Variants in EIF2AK3 observed in about 807,000 individuals in gnomAD.
EIF2AK3 encodes the protein eukaryotic translation initiation factor 2 alpha kinase 3, also known as eukaryotic translation initiation factor 2-alpha kinase 3.
In EIF2AK3, 50 loss-of-function variants were observed where a neutral mutation model predicts 113.5. That is an observed-to-expected ratio of 0.44 (90% CI 0.35 to 0.56). EIF2AK3 has a LOEUF of 0.56. Ranked by LOEUF, EIF2AK3 falls within the 20% of genes least tolerant of loss-of-function variation. The pLI is 0.00. For missense variants in EIF2AK3, 1,185 were observed against 1,378.0 expected (o/e 0.86, Z 2.22); for synonymous variants, 448 against 495.4 (o/e 0.90, Z 1.27).
intron 2 of EIF2AK3, among the ~76,000 whole-genome samples, chr2:88,602,086 C>T (rs1281885347): frequency 6.6e-6 from 1 of 151,986 alleles, no homozygotes. Context: ...CTCCTGACCT[C>T]GTGATCTGCC....
chr2:88,595,220 A>AT (rs963904380), intron 3 of EIF2AK3, among the ~76,000 whole-genome samples: 2 of 151,214 alleles, frequency 1.3e-5, no homozygotes, highest in African/African-American at 4.9e-5. Flanking sequence ...AAAAAAAAAA[A>AT]AAAAAAAAAC....
intron 14 of EIF2AK3, among the ~76,000 whole-genome samples, chr2:88,570,321 G>A (rs970818158): frequency 6.6e-6 from 1 of 152,176 alleles, no homozygotes; most frequent in Non-Finnish European, 1.5e-5. Flanking sequence ...GGTGGTGGCT[G>A]AGCATGCTCG....
intron 1 of EIF2AK3, among the ~76,000 whole-genome samples, chr2:88,617,282 CAT>C (rs1240371794): frequency 6.6e-6 from 1 of 152,146 alleles, no homozygotes; most frequent in African/African-American, 2.4e-5. Context: ...AAATGTGGTA[CAT>C]ATATACCATA....
At chr2:88,598,819 A>T (rs1384866958) in intron 2 of EIF2AK3, among the ~76,000 whole-genome samples, 1 of 152,172 alleles carries the variant, frequency 6.6e-6, no homozygotes, top group East Asian at 1.9e-4. Flanking sequence ...ATGTAAGAGA[A>T]TATCTCTATT....
intron 2 of EIF2AK3, 88 bp downstream of exon 2, chr2:88,613,636 C>G (rs1675504226): frequency 2.7e-6 from 4 of 1,468,874 alleles, no homozygotes; most frequent in Non-Finnish European, 3.8e-6. Context: ...GGCCTCAAAC[C>G]TGGGCAATAG....
At chr2:88,567,800 C>T (rs1674179943) in intron 14 of EIF2AK3, among the ~76,000 whole-genome samples, 1 of 152,178 alleles carries the variant, frequency 6.6e-6, no homozygotes, top group South Asian at 2.1e-4. Flanking sequence ...GCCACTGCCC[C>T]CATAGCCATT....
At chr2:88,602,842 C>T (rs1675188539) in intron 2 of EIF2AK3, among the ~76,000 whole-genome samples, 1 of 151,788 alleles carries the variant, frequency 6.6e-6, no homozygotes, top group Admixed American at 6.6e-5. Context: ...GGACAAACAC[C>T]TAATGTATGT....
intron 1 of EIF2AK3, among the ~76,000 whole-genome samples, chr2:88,616,771 T>G (rs1202824126): frequency 1.3e-5 from 2 of 152,164 alleles, no homozygotes; most frequent in African/African-American, 4.8e-5. Context: ...TTCTATGAAT[T>G]CATTATGTGT....
chr2:88,590,701 G>A (rs992869585), intron 5 of EIF2AK3, 96 bp from the exon 6 acceptor site: 2 of 1,566,536 alleles, frequency 1.3e-6, no homozygotes, highest in African/African-American at 2.7e-5. Context: ...ATTTATAAAA[G>A]CACAGAGAAC....
intron 2 of EIF2AK3, among the ~76,000 whole-genome samples, chr2:88,603,670 T>C (rs1324986574): frequency 6.6e-6 from 1 of 152,226 alleles, no homozygotes; most frequent in Non-Finnish European, 1.5e-5. Context: ...TTTCTCTAAC[T>C]TATCAGTCTC....
At chr2:88,599,995 A>C (rs1045854569) in intron 2 of EIF2AK3, among the ~76,000 whole-genome samples, 1 of 152,242 alleles carries the variant, frequency 6.6e-6, no homozygotes, top group Non-Finnish European at 1.5e-5. Context: ...AAACTTCCTT[A>C]TTTTAAAAGT....
At chr2:88,626,761 A>G (rs553625159) in intron 1 of EIF2AK3, among the ~76,000 whole-genome samples, 1 of 152,346 alleles carries the variant, frequency 6.6e-6, no homozygotes, top group East Asian at 1.9e-4. Context: ...GGCCAGCACC[A>G]GGCCCTCGGG....
chr2:88,582,220 G>A (rs1315580487), intron 10 of EIF2AK3, among the ~76,000 whole-genome samples: 1 of 152,166 alleles, frequency 6.6e-6, no homozygotes. Flanking sequence ...TGTGCTGGCT[G>A]GATGACTAAT....
chr2:88,566,867 G>T (rs1371915114), intron 14 of EIF2AK3, among the ~76,000 whole-genome samples: 7 of 152,130 alleles, frequency 4.6e-5, no homozygotes, highest in Admixed American at 4.6e-4. Flanking sequence ...AGGATCACTT[G>T]AGCCCAGGAG....
intron 2 of EIF2AK3, among the ~76,000 whole-genome samples, chr2:88,606,006 T>C (rs368581268): frequency 6.6e-6 from 1 of 152,198 alleles, no homozygotes; most frequent in Non-Finnish European, 1.5e-5. Flanking sequence ...TGATATGCTA[T>C]ATGCTTAAAT....
chr2:88,565,141 A>C (rs1573385125), intron 14 of EIF2AK3, among the ~76,000 whole-genome samples: 1 of 151,362 alleles, frequency 6.6e-6, no homozygotes, highest in East Asian at 2.0e-4. Flanking sequence ...GGTTCAAGCA[A>C]TTCTCCTGCC....
At chr2:88,594,652 G>A (rs2104444256) in intron 3 of EIF2AK3, among the ~76,000 whole-genome samples, 1 of 152,210 alleles carries the variant, frequency 6.6e-6, no homozygotes, top group East Asian at 1.9e-4. Flanking sequence ...TAAGTTAAAT[G>A]TGACCCTGGA....
intron 14 of EIF2AK3, among the ~76,000 whole-genome samples, chr2:88,570,013 CTAATTT>C (rs1674254238): frequency 6.7e-6 from 1 of 150,232 alleles, no homozygotes; most frequent in African/African-American, 2.4e-5. Flanking sequence ...AAATGTCACT[CTAATTT>C]TTTTTTTTTG....
intron 11 of EIF2AK3, among the ~76,000 whole-genome samples, chr2:88,577,386 C>T (rs535707558): frequency 7.9e-5 from 12 of 151,910 alleles, no homozygotes; most frequent in South Asian, 6.2e-4. Context: ...ATGCTACAAG[C>T]GCATCTACTG....
Sources: gnomAD v4.1 joint callset for allele counts (sites outside exome capture counted in the v4.1 genomes callset) on GRCh38, gnomAD v4.1.1 for gene constraint, MANE v1.5 for transcripts, NCBI Gene and HGNC (gene_info 2026-07-23, HGNC 2026-07-21) for gene names.